WWOX: variants seen among roughly 807,000 people sequenced by gnomAD.
The protein encoded by WWOX is WW domain containing oxidoreductase.
WWOX carries 69 observed loss-of-function variants against 46.2 expected under a neutral mutation model. That is an observed-to-expected ratio of 1.49 (90% CI 1.23 to 1.82). WWOX has a LOEUF of 1.82. WWOX is among the 40% of genes most tolerant of loss of function. The pLI is 0.00. For synonymous variants in WWOX, 359 were observed against 202.6 expected, an observed-to-expected ratio of 1.77 and a Z score of -6.56; for missense variants, 919 against 542.6, an observed-to-expected ratio of 1.69 and a Z score of -6.89.
chr16:79,040,184 G>A (rs757739771), intron 8 of WWOX, among the ~76,000 whole-genome samples: 1 of 151,760 alleles, frequency 6.6e-6, no homozygotes, highest in African/African-American at 2.4e-5. Flanking sequence ...AAATGATAGC[G>A]TTCATCCTTG....
At chr16:78,776,214 T>C (rs1290889129) in intron 8 of WWOX, among the ~76,000 whole-genome samples, 2 of 152,110 alleles carry the variant, frequency 1.3e-5, no homozygotes, top group South Asian at 2.1e-4. Context: ...GAAACAACTT[T>C]TGTGTCTAAG....
At chr16:78,217,818 C>A (rs2151795155) in intron 5 of WWOX, among the ~76,000 whole-genome samples, 1 of 152,248 alleles carries the variant, frequency 6.6e-6, no homozygotes, top group South Asian at 2.1e-4. Flanking sequence ...GACTCATCTT[C>A]TGCACAGGTC....
At chr16:78,809,109 G>C (rs979293349) in intron 8 of WWOX, among the ~76,000 whole-genome samples, 5 of 151,770 alleles carry the variant, frequency 3.3e-5, no homozygotes, top group Admixed American at 2.0e-4. Context: ...ACACAGAGTG[G>C]GCTGTTTCTG....
intron 8 of WWOX, among the ~76,000 whole-genome samples, chr16:78,657,566 G>C (rs964662436): frequency 6.6e-6 from 1 of 152,182 alleles, no homozygotes; most frequent in Admixed American, 6.5e-5. Context: ...ACGTGACCCT[G>C]GCCGGGACTG....
chr16:78,914,645 G>A (rs549047934), intron 8 of WWOX, among the ~76,000 whole-genome samples: 4 of 151,706 alleles, frequency 2.6e-5, no homozygotes, highest in East Asian at 1.9e-4. Context: ...TTTGGGAGGC[G>A]GAGGCGGGCA....
intron 8 of WWOX, among the ~76,000 whole-genome samples, chr16:78,724,701 G>A (rs2048782479): frequency 6.6e-6 from 1 of 152,152 alleles, no homozygotes; most frequent in Non-Finnish European, 1.5e-5. Flanking sequence ...CCTTGAGATT[G>A]AAGCTCGCAC....
chr16:78,924,382 A>G (rs1040044969), intron 8 of WWOX, among the ~76,000 whole-genome samples: 2 of 152,190 alleles, frequency 1.3e-5, no homozygotes, highest in African/African-American at 4.8e-5. Context: ...CAAAAATGGA[A>G]CTTGTCTATC....
At chr16:79,156,776 T>C (rs1350702895) in intron 8 of WWOX, among the ~76,000 whole-genome samples, 1 of 145,860 alleles carries the variant, frequency 6.9e-6, no homozygotes, top group Non-Finnish European at 1.5e-5. Flanking sequence ...ATGTATGATG[T>C]ATGCATAATT....
chr16:78,440,934 T>G (rs2083431300), intron 8 of WWOX, among the ~76,000 whole-genome samples: 2 of 152,106 alleles, frequency 1.3e-5, no homozygotes, highest in African/African-American at 4.8e-5. Flanking sequence ...AGTTTCTTTT[T>G]CTTTTTTCTT....
At chr16:78,502,908 C>A (rs2085106351) in intron 8 of WWOX, among the ~76,000 whole-genome samples, 1 of 152,152 alleles carries the variant, frequency 6.6e-6, no homozygotes, top group Non-Finnish European at 1.5e-5. Flanking sequence ...CTATTCTGGG[C>A]CTCCCTGCTT....
chr16:78,473,799 C>G (rs966432376), intron 8 of WWOX, among the ~76,000 whole-genome samples: 2 of 152,098 alleles, frequency 1.3e-5, no homozygotes, highest in East Asian at 3.9e-4. Flanking sequence ...CCCCTGAATG[C>G]CAACAAGAGT....
At chr16:79,000,496 G>C (rs2047072226) in intron 8 of WWOX, among the ~76,000 whole-genome samples, 1 of 149,108 alleles carries the variant, frequency 6.7e-6, no homozygotes. Flanking sequence ...GTCATAATCA[G>C]AGAGGTGGCT....
In WWOX at chr16:78,520,078, C is replaced by T. The variant is rs193038842; in HGVS notation, c.1056+87326C>T. Among the ~76,000 whole-genome samples, 437 of 152,236 alleles carry T rather than the reference C, an allele frequency of 2.9e-3. 3 individuals are homozygous for T. Among genetic ancestry groups the T allele is most frequent in the African/African-American group, 8.5e-3 (352 of 41,550 alleles). On this transcript the variant is annotated intron_variant, in intron 8 of 8. Coordinates refer to ENST00000566780, the MANE Select transcript of WWOX (RefSeq NM_016373.4). The stretch of plus-strand genomic sequence containing the variant: ...TTATTGAGGGACATTCACTTAGTTT[C>T]GAAAGGTTTCTCCCTCCACTCCCAT...
chr16:78,202,027 CT>C (rs1174965546), intron 5 of WWOX, among the ~76,000 whole-genome samples: 1 of 151,984 alleles, frequency 6.6e-6, no homozygotes, highest in Non-Finnish European at 1.5e-5. Context: ...TTGATTTTTC[CT>C]CTTTAAACTC....
At chr16:78,249,259 G>A (rs1023088097) in intron 5 of WWOX, among the ~76,000 whole-genome samples, 13 of 152,258 alleles carry the variant, frequency 8.5e-5, no homozygotes, top group Admixed American at 1.3e-4. Flanking sequence ...CAGGAAGTCC[G>A]CCTCCAGAGC....
At chr16:78,168,471 A>C (rs1202844565) in intron 5 of WWOX, 1 of 151,714 alleles carries the variant, frequency 6.6e-6, no homozygotes, top group Non-Finnish European at 1.5e-5. Context: ...AGACGAGCCA[A>C]GGGATGGCTC....
intron 8 of WWOX, among the ~76,000 whole-genome samples, chr16:78,540,304 A>T (rs915591245): frequency 6.6e-6 from 1 of 151,702 alleles, no homozygotes; most frequent in Non-Finnish European, 1.5e-5. Flanking sequence ...CAGGGTTATC[A>T]TGTATCTCTT....
intron 8 of WWOX, among the ~76,000 whole-genome samples, chr16:79,158,501 C>CA (rs1190216150): frequency 7.9e-5 from 10 of 126,382 alleles, no homozygotes; most frequent in Admixed American, 7.1e-4. Flanking sequence ...CTTACAAATA[C>CA]AACTCCTTAT....
intron 5 of WWOX, among the ~76,000 whole-genome samples, chr16:78,345,639 C>CAAAAAAAAAA (rs1193432164): frequency 8.0e-5 from 2 of 25,012 alleles, no homozygotes; most frequent in Non-Finnish European, 1.9e-4. Flanking sequence ...GACCCTGTCT[C>CAAAAAAAAAA]AAAAAAAAAA....
Sources: allele counts gnomAD v4.1 joint callset (sites outside exome capture counted in the v4.1 genomes callset), GRCh38; gene constraint gnomAD v4.1.1; transcripts MANE v1.5; gene names NCBI Gene and HGNC (gene_info 2026-07-23, HGNC 2026-07-21).